PCTP: variants seen among roughly 807,000 people sequenced by gnomAD.
The protein encoded by PCTP is START domain-containing protein 2.
In PCTP, 27 loss-of-function variants were observed where a neutral mutation model predicts 31.0. The ratio of observed to expected loss-of-function variants is 0.87; its 90% CI spans 0.64 to 1.20. The LOEUF (loss-of-function observed/expected upper bound fraction) is 1.20. PCTP is among the 50% of genes most tolerant of loss of function. The pLI, the probability that PCTP is intolerant of heterozygous loss-of-function variation, is 0.00. For missense variants in PCTP, 287 were observed against 268.2 expected, an observed-to-expected ratio of 1.07 and a Z score of -0.49; for synonymous variants, 108 against 101.2, an observed-to-expected ratio of 1.07 and a Z score of -0.40.
chr17:55,770,098 C>CACA (rs1910900832), intron 2 of PCTP: 1 of 152,218 alleles, frequency 6.6e-6, no homozygotes, highest in African/African-American at 2.4e-5. Flanking sequence ...AAGTTTACTG[C>CACA]ACAGCACAGT....
intron 1 of PCTP, among the ~76,000 whole-genome samples, chr17:55,756,789 A>G (rs1910050768): frequency 6.6e-6 from 1 of 151,980 alleles, no homozygotes; most frequent in Non-Finnish European, 1.5e-5. Flanking sequence ...TCATATGAAC[A>G]TGCTGGCTTT....
chr17:55,842,734 A>C (rs1398105374), exon 6 of PCTP: 1 of 152,262 alleles, frequency 6.6e-6, no homozygotes, highest in Non-Finnish European at 1.5e-5. Flanking sequence ...CAGACTCTTC[A>C]AAATACTCTT....
intron 3 of PCTP, among the ~76,000 whole-genome samples, chr17:55,771,767 T>C (rs1481897756): frequency 2.0e-5 from 3 of 152,252 alleles, no homozygotes; most frequent in East Asian, 1.9e-4. Context: ...GTAGGGAGGC[T>C]TGGCTGGCAC....
At chr17:55,843,243 T>C (rs1480203117), downstream of PCTP, among the ~76,000 whole-genome samples, 1 of 152,228 alleles carries the variant, frequency 6.6e-6, no homozygotes, top group Non-Finnish European at 1.5e-5. Context: ...CTTGTTTGTT[T>C]TCAGGTCTTA....
intron 2 of PCTP, chr17:55,769,060 T>C (rs962396383): frequency 3.9e-5 from 6 of 152,260 alleles, no homozygotes; most frequent in African/African-American, 1.4e-4. Flanking sequence ...ATCAGGATTG[T>C]TTCTTTCTCC....
chr17:55,822,157 T>C lies in PCTP; in HGVS notation c.318-604T>C, dbSNP rs141379103. Among the ~76,000 whole-genome samples the C allele has an allele frequency of 1.2e-4, 19 of 152,224 alleles. No individual in the cohort carries two copies. The East Asian group carries it at 3.7e-3, about 29-fold the overall frequency. ...AAGAAACAAAACGTGAGAAGGAAGG[T>C]GTTAAGCCCACAAAACAAAGACGTC... On this transcript the variant is annotated intron_variant, in intron 3 of 3. Transcript: ENST00000572536.
In PCTP at chr17:55,777,165, A is replaced by G. The variant is rs1278344424; in HGVS notation, c.*1065A>G. On this transcript the variant is annotated 3_prime_UTR_variant, in exon 6 of 6. Coordinates refer to ENST00000268896, the MANE Select transcript of PCTP (RefSeq NM_021213.4). ...CTTTCTCCTGAATTTTGGTAGGGTA[A>G]GGTATTTCTATGTCAAAGGCACAGC... 1 of 985,646 alleles carries G rather than the reference A, an allele frequency of 1.0e-6. No homozygotes were observed. Among genetic ancestry groups the G allele is most frequent in the Non-Finnish European group, 1.2e-6 (1 of 829,864 alleles). The allele number at this position is 985,646 out of a possible 1,614,324, so 61.1% of individuals were successfully genotyped here. A position where few individuals can be genotyped will look rare whatever the true frequency, so the allele number is the denominator to read the frequency against.
chr17:55,823,962 C>T (rs988304875), downstream of PCTP, among the ~76,000 whole-genome samples: 7 of 152,186 alleles, frequency 4.6e-5, no homozygotes, highest in Admixed American at 2.0e-4. Flanking sequence ...AGACTTGAGA[C>T]TTAATGGCCC....
chr17:55,817,554 C>T (rs750159035), intron 3 of PCTP, among the ~76,000 whole-genome samples: 1 of 152,152 alleles, frequency 6.6e-6, no homozygotes, highest in Admixed American at 6.5e-5. Context: ...GGAGGGTGCT[C>T]CTGCTGTGCA....
chr17:55,774,918 G>T, intron 5 of PCTP, 59 bp downstream of exon 5: 1 of 1,512,712 alleles, frequency 6.6e-7, no homozygotes, highest in South Asian at 1.1e-5. Context: ...GACAAATGTT[G>T]ACTTAGCCCG....
downstream of PCTP, among the ~76,000 whole-genome samples, chr17:55,824,942 A>G (rs1258555416): frequency 6.6e-6 from 1 of 152,210 alleles, no homozygotes; most frequent in Non-Finnish European, 1.5e-5. Flanking sequence ...TGAGTATACA[A>G]ATGAATTTGG....
At chr17:55,788,974 C>A (rs1597998385) in intron 3 of PCTP, among the ~76,000 whole-genome samples, 1 of 152,170 alleles carries the variant, frequency 6.6e-6, no homozygotes, top group South Asian at 2.1e-4. Flanking sequence ...TGGAGATGAG[C>A]TAGGACTCAA....
chr17:55,824,296 G>T (rs1397305602), downstream of PCTP, among the ~76,000 whole-genome samples: 1 of 151,658 alleles, frequency 6.6e-6, no homozygotes, highest in African/African-American at 2.4e-5. Flanking sequence ...ACCAATCTAA[G>T]TGTAGGTGCC....
At chr17:55,818,825 G>A (rs1161724312) in intron 3 of PCTP, among the ~76,000 whole-genome samples, 1 of 151,980 alleles carries the variant, frequency 6.6e-6, no homozygotes, top group African/African-American at 2.4e-5. Flanking sequence ...AGCCAGTGAA[G>A]CAGATCAAAG....
rs765412889 is a variant in PCTP, at chr17:55,774,345, CAG to C, written c.512-442_512-441del. On this transcript the variant is annotated intron_variant, in intron 4 of 5. Coordinates refer to ENST00000268896, the MANE Select transcript of PCTP (RefSeq NM_021213.4). ...AGCCCCCAGGGAGGAAAGCTGCAGA[CAG>C]AGAGTGGGGTGCGAGGCCACCTGCT... 1.4e-4 allele frequency among the ~76,000 whole-genome samples: 21 copies of C among 152,266 alleles called. 2 individuals are homozygous for C. The highest frequency in any genetic ancestry group is 9.2e-4 in the Admixed American group (14 of 15,300).
intron 3 of PCTP, among the ~76,000 whole-genome samples, chr17:55,809,273 G>A (rs1193216758): frequency 1.3e-5 from 2 of 152,084 alleles, no homozygotes; most frequent in Non-Finnish European, 2.9e-5. Context: ...TTTAGATTGA[G>A]TTGACTTATT....
chr17:55,782,542 G>A (rs1156964346), intron 2 of PCTP, among the ~76,000 whole-genome samples: 2 of 152,172 alleles, frequency 1.3e-5, no homozygotes, highest in African/African-American at 4.8e-5. Flanking sequence ...GCTAAATAAT[G>A]TGCTTAAGGT....
At chr17:55,791,093 A>G (rs1482460657) in intron 3 of PCTP, among the ~76,000 whole-genome samples, 5 of 151,504 alleles carry the variant, frequency 3.3e-5, no homozygotes, top group Admixed American at 1.3e-4. Flanking sequence ...GGGAAAACTG[A>G]CTAGCCATAT....
At chr17:55,812,924 C>A (rs1173396553) in intron 3 of PCTP, among the ~76,000 whole-genome samples, 1 of 152,140 alleles carries the variant, frequency 6.6e-6, no homozygotes, top group Non-Finnish European at 1.5e-5. Context: ...CAGTGATGTG[C>A]CTTTCCGCAG....
Sources: allele counts gnomAD v4.1 joint callset (sites outside exome capture counted in the v4.1 genomes callset), GRCh38; gene constraint gnomAD v4.1.1; transcripts MANE v1.5; gene names NCBI Gene and HGNC (gene_info 2026-07-23, HGNC 2026-07-21).